The following PDE11A variants were observed in gnomAD, a reference collection of about 807,000 sequenced individuals.
The protein encoded by PDE11A is dual 3',5'-cyclic-AMP and -GMP phosphodiesterase 11A.
Under a neutral mutation model 100.5 loss-of-function variants are expected in PDE11A, and 100 were observed. That is an observed-to-expected ratio of 1.00 (90% CI 0.85 to 1.18). The LOEUF (loss-of-function observed/expected upper bound fraction) is 1.18. Ranked by LOEUF, PDE11A falls within the 50% of genes most tolerant of loss-of-function variation. The pLI, the probability that PDE11A is intolerant of heterozygous loss-of-function variation, is 0.00. For missense variants in PDE11A, 1,141 were observed against 1,152.6 expected (o/e 0.99, Z 0.15); for synonymous variants, 381 against 420.8 (o/e 0.91, Z 1.16).
intron 13 of PDE11A, among the ~76,000 whole-genome samples, chr2:177,703,786 G>A (rs2081236794): frequency 6.6e-6 from 1 of 151,372 alleles, no homozygotes; most frequent in Non-Finnish European, 1.5e-5. Flanking sequence ...GAGTGGGGAT[G>A]GGGACGATAA....
In PDE11A at chr2:177,738,131, G is replaced by A. The variant is rs552681403; in HGVS notation, c.1789-9959C>T. ...TTGCCTTCTAAGTTTGTGTGAATCC[G>A]GTGCTCCATTTTTTATACATCAGTG... On this transcript the variant is annotated intron_variant, in intron 10 of 19. Transcript: ENST00000286063. Among the ~76,000 whole-genome samples the A allele has an allele frequency of 9.0e-5, 7 of 77,828 alleles. No homozygotes were observed. In the East Asian group the frequency reaches 2.8e-3, roughly 31 times the overall value. 51.1% of individuals were successfully genotyped at this position (77,828 alleles called of 152,430 possible). A position where few individuals can be genotyped will look rare whatever the true frequency, so the allele number is the denominator to read the frequency against.
At chr2:177,799,755 C>T (rs1490687638) in intron 9 of PDE11A, among the ~76,000 whole-genome samples, 2 of 152,146 alleles carry the variant, frequency 1.3e-5, no homozygotes. Context: ...GGCAGTGTTC[C>T]TTTCTGTACT....
chr2:177,663,972 C>A, intron 18 of PDE11A, 23 bp from the exon 19 acceptor site: 2 of 1,497,338 alleles, frequency 1.3e-6, no homozygotes, highest in South Asian at 1.1e-5. Context: ...GCAGGAAGAA[C>A]CTCGCTTTAT....
chr2:177,857,703 T>C (rs1405196055), intron 5 of PDE11A, among the ~76,000 whole-genome samples: 3 of 151,994 alleles, frequency 2.0e-5, no homozygotes, highest in Non-Finnish European at 4.4e-5. Flanking sequence ...TTACATTAAA[T>C]GTAAGTGGAC....
intron 5 of PDE11A, among the ~76,000 whole-genome samples, chr2:177,870,545 A>G (rs970942698): frequency 1.3e-5 from 2 of 152,230 alleles, no homozygotes; most frequent in African/African-American, 4.8e-5. Flanking sequence ...TGTGAGAAAA[A>G]GTGCCTTAAA....
At chr2:177,810,134 G>A (rs1024553541) in intron 9 of PDE11A, among the ~76,000 whole-genome samples, 5 of 152,188 alleles carry the variant, frequency 3.3e-5, no homozygotes, top group Non-Finnish European at 5.9e-5. Flanking sequence ...GGGAATACGA[G>A]CTGATGTTAT....
chr2:178,103,650 T>A (rs1447243745), intron 2 of PDE11A, among the ~76,000 whole-genome samples: 1 of 151,762 alleles, frequency 6.6e-6, no homozygotes, highest in African/African-American at 2.4e-5. Context: ...TTATACCCTA[T>A]TTTGAAAAAA....
chr2:177,881,412 G>C (rs1221331723), intron 4 of PDE11A, among the ~76,000 whole-genome samples: 1 of 146,388 alleles, frequency 6.8e-6, no homozygotes, highest in African/African-American at 2.6e-5. Context: ...GTCTCCTATT[G>C]GTTCTGTTTC....
intron 2 of PDE11A, among the ~76,000 whole-genome samples, chr2:178,097,551 C>T (rs551345929): frequency 2.0e-5 from 3 of 152,164 alleles, no homozygotes; most frequent in Admixed American, 6.5e-5. Flanking sequence ...GTCCCTCCCT[C>T]GACATGTGAG....
intron 9 of PDE11A, among the ~76,000 whole-genome samples, chr2:177,779,985 C>T (rs1163443825): frequency 6.6e-6 from 1 of 152,168 alleles, no homozygotes; most frequent in Non-Finnish European, 1.5e-5. Flanking sequence ...AGAAATTACT[C>T]TTGATCTATG....
At chr2:177,682,182 C>A (rs1328881944) in intron 15 of PDE11A, among the ~76,000 whole-genome samples, 8 of 152,172 alleles carry the variant, frequency 5.3e-5, no homozygotes, top group Non-Finnish European at 1.0e-4. Context: ...TTAGATAGAC[C>A]CTTTCAACTA....
chr2:178,084,025 A>T (rs73972690), intron 2 of PDE11A, among the ~76,000 whole-genome samples: 2,405 of 152,324 alleles, frequency 0.016, 71 homozygotes, highest in African/African-American at 0.055. Flanking sequence ...ACAAATATAC[A>T]TATTCTTGTA....
chr2:177,768,497 C>T (rs1043715633), intron 10 of PDE11A, among the ~76,000 whole-genome samples: 1 of 152,108 alleles, frequency 6.6e-6, no homozygotes, highest in Non-Finnish European at 1.5e-5. Flanking sequence ...TGAACTGCCA[C>T]CTAAATATAA....
intron 9 of PDE11A, among the ~76,000 whole-genome samples, chr2:177,789,575 A>G (rs2105532369): frequency 6.6e-6 from 1 of 151,906 alleles, no homozygotes; most frequent in East Asian, 1.9e-4. Flanking sequence ...AGGGTATTCA[A>G]TTAGGAAAAG....
At chr2:177,903,075 C>G (rs2084723531) in intron 3 of PDE11A, among the ~76,000 whole-genome samples, 1 of 152,158 alleles carries the variant, frequency 6.6e-6, no homozygotes, top group South Asian at 2.1e-4. Flanking sequence ...GGCTTTTCTA[C>G]CATCTGGCCT....
chr2:178,093,324 A>C (rs2105884737), intron 2 of PDE11A, among the ~76,000 whole-genome samples: 1 of 152,180 alleles, frequency 6.6e-6, no homozygotes, highest in Middle Eastern at 3.4e-3. Flanking sequence ...CTAATTTTGT[A>C]GATTAGTAAA....
At chr2:177,707,692 C>T (rs189974260) in intron 13 of PDE11A, among the ~76,000 whole-genome samples, 80 of 152,256 alleles carry the variant, frequency 5.3e-4, no homozygotes, top group African/African-American at 1.8e-3. Flanking sequence ...CTTAATATCA[C>T]GGTAATCCAA....
At chr2:177,646,863 C>G (rs1433585325) in intron 19 of PDE11A, among the ~76,000 whole-genome samples, 1 of 152,206 alleles carries the variant, frequency 6.6e-6, no homozygotes, top group East Asian at 1.9e-4. Context: ...TTGTAAAGGA[C>G]AGGCAAGCCT....
chr2:177,960,652 G>T, intron 2 of PDE11A, among the ~76,000 whole-genome samples: 1 of 151,136 alleles, frequency 6.6e-6, no homozygotes, highest in Middle Eastern at 3.2e-3. Flanking sequence ...CAGAAAAGCT[G>T]CCAAGTCAAG....
Sources: allele counts gnomAD v4.1 joint callset (sites outside exome capture counted in the v4.1 genomes callset), GRCh38; gene constraint gnomAD v4.1.1; transcripts MANE v1.5; gene names NCBI Gene and HGNC (gene_info 2026-07-23, HGNC 2026-07-21).